Variants in ANAPC1 observed in about 807,000 individuals in gnomAD.
ANAPC1 encodes anaphase-promoting complex subunit 1.
A neutral mutation model predicts 208.0 loss-of-function variants in ANAPC1; 36 were observed. The ratio of observed to expected loss-of-function variants is 0.17; its 90% CI spans 0.13 to 0.23. ANAPC1 has a LOEUF of 0.23. Ranked by LOEUF, ANAPC1 falls within the 10% of genes least tolerant of loss-of-function variation. The pLI is 1.00. For missense variants in ANAPC1, 942 were observed against 2,011.6 expected (o/e 0.47, Z 10.17); for synonymous variants, 378 against 695.2 (o/e 0.54, Z 7.18).
chr2:111,791,260 A>G (rs1259751655), intron 38 of ANAPC1, among the ~76,000 whole-genome samples: 2 of 149,500 alleles, frequency 1.3e-5, no homozygotes, highest in Non-Finnish European at 3.0e-5. Flanking sequence ...AACTAAAAAG[A>G]CTACTAAAAA....
At chr2:111,777,202 C>A in intron 45 of ANAPC1, 145 bp from the exon 46 acceptor site, 2 of 704,894 alleles carry the variant, frequency 2.8e-6, no homozygotes, top group Admixed American at 2.3e-5. Flanking sequence ...ATGCAGTCTG[C>A]CCACAGAGGA....
At chr2:111,799,012 C>T (rs1184551624) in intron 34 of ANAPC1, among the ~76,000 whole-genome samples, 2 of 148,050 alleles carry the variant, frequency 1.4e-5, no homozygotes, top group East Asian at 2.0e-4. Flanking sequence ...CCAGCCTGGG[C>T]GACAGAGCAA....
intron 34 of ANAPC1, among the ~76,000 whole-genome samples, chr2:111,799,328 A>G (rs1678326813): frequency 6.6e-6 from 1 of 152,200 alleles, no homozygotes; most frequent in South Asian, 2.1e-4. Context: ...GGCAACAGCC[A>G]ACACTCTCAA....
intron 46 of ANAPC1, among the ~76,000 whole-genome samples, chr2:111,775,650 T>A (rs1463411979): frequency 1.3e-5 from 2 of 152,070 alleles, no homozygotes; most frequent in Non-Finnish European, 2.9e-5. Context: ...AACAAGGCAA[T>A]CAGGGCCCTG....
chr2:111,883,734 G>C (rs935886233), intron 1 of ANAPC1, among the ~76,000 whole-genome samples: 1 of 152,228 alleles, frequency 6.6e-6, no homozygotes, highest in African/African-American at 2.4e-5. Flanking sequence ...AGGTTGGCAA[G>C]CAGGAGCCGG....
At chr2:111,840,531 A>C (rs1680704933) in intron 17 of ANAPC1, among the ~76,000 whole-genome samples, 1 of 152,208 alleles carries the variant, frequency 6.6e-6, no homozygotes, top group Non-Finnish European at 1.5e-5. Flanking sequence ...CCTCCCCAAA[A>C]CATGGAAACG....
rs569487846 is a variant in ANAPC1, at chr2:111,869,447, G to A, written c.612-1351C>T. 4.6e-5 allele frequency among the ~76,000 whole-genome samples: 7 copies of A among 152,292 alleles called. No individual in the cohort carries two copies. In the South Asian group the frequency reaches 8.3e-4, roughly 18 times the overall value. The stretch of plus-strand genomic sequence containing the variant: ...TTTAGTAGAGACAGGGTTTCGCCAC[G>A]TTGGGCAGGCTGGTCTCGAACTCCT... On this transcript the variant is annotated intron_variant, in intron 6 of 47. Coordinates refer to ENST00000341068, the MANE Select transcript of ANAPC1 (RefSeq NM_022662.4).
Position 111,872,612 on chromosome 2 carries a change from A to G in ANAPC1, c.611+18T>C, listed in dbSNP as rs763183945. 6.3e-7 allele frequency: 1 copy of G among 1,575,136 alleles called. No homozygotes were observed. The highest frequency in any genetic ancestry group is 8.7e-7 in the Non-Finnish European group (1 of 1,145,504). On this transcript the variant is annotated intron_variant, in intron 6 of 47. Coordinates refer to ENST00000341068, the MANE Select transcript of ANAPC1 (RefSeq NM_022662.4). ...CAAATCCCAAGCAGTAATATTCTGA[A>G]GTGAATAAAATGAATACCTGGGTGA...
intron 20 of ANAPC1, among the ~76,000 whole-genome samples, chr2:111,832,770 AT>A (rs1186793511): frequency 4.6e-5 from 7 of 151,816 alleles, no homozygotes; most frequent in African/African-American, 1.7e-4. Flanking sequence ...TCTAATAACA[AT>A]ACAGAAAAAT....
intron 45 of ANAPC1, 112 bp from the exon 46 acceptor site, chr2:111,777,169 G>T (rs1048508479): frequency 9.4e-6 from 6 of 636,704 alleles, no homozygotes; most frequent in Non-Finnish European, 1.7e-5. Context: ...AAAGGGTCGG[G>T]GGGTGGTCCA....
At chr2:111,778,121 A>C (rs1461694298) in intron 45 of ANAPC1, among the ~76,000 whole-genome samples, 1 of 152,124 alleles carries the variant, frequency 6.6e-6, no homozygotes, top group Non-Finnish European at 1.5e-5. Flanking sequence ...AAAGTGAATA[A>C]ATTGGTCTGA....
At chr2:111,853,985 G>C (rs1486438530) in intron 13 of ANAPC1, among the ~76,000 whole-genome samples, 3 of 152,180 alleles carry the variant, frequency 2.0e-5, no homozygotes, top group South Asian at 2.1e-4. Flanking sequence ...CAAAGTGCTA[G>C]GATTACAGGT....
intron 38 of ANAPC1, among the ~76,000 whole-genome samples, chr2:111,791,810 C>A (rs1328630076): frequency 1.9e-4 from 28 of 151,178 alleles, no homozygotes; most frequent in Non-Finnish European, 4.4e-5. Context: ...GTTGAAAGTG[C>A]TATACAGAAT....
intron 38 of ANAPC1, among the ~76,000 whole-genome samples, chr2:111,790,483 A>G (rs1453461656): frequency 1.3e-5 from 2 of 152,244 alleles, no homozygotes; most frequent in Non-Finnish European, 1.5e-5. Context: ...CTTAACTTAT[A>G]TAATAGAGGT....
At chr2:111,875,219 A>T (rs1442881889) in intron 3 of ANAPC1, among the ~76,000 whole-genome samples, 2 of 152,244 alleles carry the variant, frequency 1.3e-5, no homozygotes, top group Non-Finnish European at 2.9e-5. Flanking sequence ...GTGCATCTTT[A>T]GAAAAATGTC....
At chr2:111,873,270 C>A (rs1558742958) in intron 5 of ANAPC1, 38 bp downstream of exon 5, 2 of 1,553,346 alleles carry the variant, frequency 1.3e-6, no homozygotes, top group African/African-American at 1.4e-5. Flanking sequence ...AAAATGTTCT[C>A]CAACAAAACC....
chr2:111,788,027 CTGGT>C (rs1558665404), intron 39 of ANAPC1, among the ~76,000 whole-genome samples: 1 of 151,198 alleles, frequency 6.6e-6, no homozygotes, highest in African/African-American at 2.4e-5. Flanking sequence ...TGGTGGAAGA[CTGGT>C]CAGTCATCAG....
At position 111,828,996 on chromosome 2, in the gene ANAPC1, C is replaced by T. The variant is rs148338403; in HGVS notation, c.2625+2290G>A. 9.3e-3 allele frequency among the ~76,000 whole-genome samples: 1,415 copies of T among 152,304 alleles called. 15 individuals are homozygous for T. The highest frequency in any genetic ancestry group is 0.043 in the South Asian group (208 of 4,826). On this transcript the variant is annotated intron_variant, in intron 21 of 47. Coordinates refer to ENST00000341068, the MANE Select transcript of ANAPC1 (RefSeq NM_022662.4). ...TTGGGAGGCCAAGGTGGGCAGATCA[C>T]CTGATGTCAGGAGTTCAAGACCAGC...
At position 111,872,613 on chromosome 2, in the gene ANAPC1, G is replaced by A. The variant is rs1682814346; in HGVS notation, c.611+17C>T. 1.3e-6 allele frequency: 2 copies of A among 1,579,674 alleles called. No homozygotes were observed. The highest frequency in any genetic ancestry group is 1.1e-5 in the South Asian group (1 of 90,002). ...AAATCCCAAGCAGTAATATTCTGAA[G>A]TGAATAAAATGAATACCTGGGTGAA... On this transcript the variant is annotated intron_variant, in intron 6 of 47. Transcript: ENST00000341068.
Sources: allele counts gnomAD v4.1 joint callset (sites outside exome capture counted in the v4.1 genomes callset), GRCh38; gene constraint gnomAD v4.1.1; transcripts MANE v1.5; gene names NCBI Gene and HGNC (gene_info 2026-07-23, HGNC 2026-07-21).